Variants in DCDC1 observed in about 807,000 individuals in gnomAD.
DCDC1 encodes doublecortin domain-containing protein 1.
Under a neutral mutation model 178.3 loss-of-function variants are expected in DCDC1, and 200 were observed. The observed-to-expected ratio is 1.12, with a 90% CI of 1.00 to 1.26. DCDC1 has a LOEUF of 1.26. DCDC1 is among the 50% of genes most tolerant of loss of function. The pLI is 0.00. For synonymous variants in DCDC1, 690 were observed against 604.8 expected (o/e 1.14, Z -2.07); for missense variants, 1,983 against 1,749.2 (o/e 1.13, Z -2.38).
intron 9 of DCDC1, among the ~76,000 whole-genome samples, chr11:31,150,400 GA>G (rs1205675892): frequency 6.6e-6 from 1 of 152,024 alleles, no homozygotes; most frequent in Non-Finnish European, 1.5e-5. Flanking sequence ...TACATTAAAT[GA>G]AAAATCAAGT....
Position 31,106,873 on chromosome 11 carries a change from T to A in DCDC1, c.1675A>T (p.Asn559Tyr). ...AGTGGATTCTTAATTTCTTGGCCAT[T>A]CTCATCAAAAAGCCGCATTGAAGAA... Reference protein sequence around the residue: ...NYSSMRLFDENGQEIKNPLSL... With the variant: ...NYSSMRLFDEYGQEIKNPLSL... The change falls in exon 13 of 39, where the codon AAT becomes TAT. Residue 559 changes from asparagine (N) to tyrosine (Y), a missense_variant. Transcript: ENST00000684477. 1 of 766,104 alleles carries A rather than the reference T, an allele frequency of 1.3e-6. No individual in the cohort carries two copies. The highest frequency in any genetic ancestry group is 2.4e-6 in the Non-Finnish European group (1 of 417,798). 47.5% of individuals were successfully genotyped at this position (766,104 alleles called of 1,614,324 possible).
intron 9 of DCDC1, among the ~76,000 whole-genome samples, chr11:31,175,148 C>T (rs1967816042): frequency 6.6e-6 from 1 of 152,200 alleles, no homozygotes; most frequent in Non-Finnish European, 1.5e-5. Flanking sequence ...TCTGGCATCT[C>T]CGAGCTTCCG....
chr11:31,305,564 T>C (rs1231882010), intron 6 of DCDC1, 51 bp downstream of exon 6: 3 of 1,589,692 alleles, frequency 1.9e-6, no homozygotes, highest in East Asian at 2.2e-5. Context: ...ATTGCACCCC[T>C]TAAGCAATTC....
At chr11:31,367,774 T>A (rs1200300056) in intron 1 of DCDC1, among the ~76,000 whole-genome samples, 9 of 152,242 alleles carry the variant, frequency 5.9e-5, no homozygotes, top group African/African-American at 2.2e-4. Flanking sequence ...CGGCTTACAT[T>A]ATATTTCTAT....
At chr11:31,024,531 C>CT (rs1479652933) in intron 20 of DCDC1, among the ~76,000 whole-genome samples, 1 of 151,684 alleles carries the variant, frequency 6.6e-6, no homozygotes, top group Non-Finnish European at 1.5e-5. Flanking sequence ...CCCATTTATT[C>CT]TTTTTTCTGT....
In DCDC1 at chr11:31,085,036, A is replaced by G. The variant is rs893172391; in HGVS notation, c.2237+6357T>C. ...CCATCAAGCTATCTATAACTTTCCA[A>G]TCACCTGCCATTTTGACCTAGGCCA... On this transcript the variant is annotated intron_variant, in intron 17 of 38. Transcript: ENST00000684477. 1.4e-4 allele frequency among the ~76,000 whole-genome samples: 21 copies of G among 151,630 alleles called. 1 individual carries two copies.
intron 20 of DCDC1, among the ~76,000 whole-genome samples, chr11:30,956,874 C>T (rs1231354832): frequency 4.6e-5 from 7 of 152,160 alleles, no homozygotes; most frequent in African/African-American, 1.7e-4. Context: ...TTCCTCCATC[C>T]CATTGACTCC....
At chr11:31,120,696 G>A (rs1019297619) in intron 11 of DCDC1, among the ~76,000 whole-genome samples, 2 of 152,054 alleles carry the variant, frequency 1.3e-5, no homozygotes, top group African/African-American at 4.8e-5. Context: ...CCAGTGAAAG[G>A]ATATGCCTGT....
intron 9 of DCDC1, among the ~76,000 whole-genome samples, chr11:31,211,104 A>T (rs1972477760): frequency 6.6e-6 from 1 of 152,192 alleles, no homozygotes; most frequent in Admixed American, 6.5e-5. Flanking sequence ...GACTGCTCTC[A>T]TCTGTAGATG....
intron 37 of DCDC1, 149 bp from the exon 38 acceptor site, chr11:30,878,860 A>G: frequency 1.5e-6 from 1 of 654,606 alleles, no homozygotes; most frequent in Non-Finnish European, 2.4e-6. Context: ...ACTTCTTATC[A>G]CATGAGATAT....
intron 1 of DCDC1, among the ~76,000 whole-genome samples, chr11:31,343,091 C>T (rs1335731164): frequency 1.3e-5 from 2 of 152,040 alleles, no homozygotes; most frequent in African/African-American, 4.8e-5. Flanking sequence ...AATGGCAAGA[C>T]CCCATCTCTA....
chr11:31,040,130 A>G (rs1954335815), intron 20 of DCDC1, among the ~76,000 whole-genome samples: 1 of 151,636 alleles, frequency 6.6e-6, no homozygotes, highest in African/African-American at 2.4e-5. Context: ...GGTCAAAACT[A>G]AAAAAAAATT....
rs115084424 is a variant in DCDC1, at chr11:30,879,397, G to C, written c.5234-686C>G. Among the ~76,000 whole-genome samples the C allele has an allele frequency of 9.9e-3, 1,508 of 152,152 alleles. 27 individuals are homozygous for C. Among genetic ancestry groups the C allele is most frequent in the African/African-American group, 0.035 (1,442 of 41,494 alleles). On this transcript the variant is annotated intron_variant, in intron 37 of 38. Coordinates refer to ENST00000684477, the MANE Select transcript of DCDC1 (RefSeq NM_001387274.1). Reference sequence around the variant, plus strand: ...GAATATTTAGATTTCTAATAAATGAGTATTACTTACTTAATGGCAACAATA... The same window carrying C: ...GAATATTTAGATTTCTAATAAATGACTATTACTTACTTAATGGCAACAATA...
At chr11:31,023,889 T>C (rs1021149528) in intron 20 of DCDC1, among the ~76,000 whole-genome samples, 1 of 152,036 alleles carries the variant, frequency 6.6e-6, no homozygotes, top group Non-Finnish European at 1.5e-5. Flanking sequence ...GAGCTAAACT[T>C]AAAACATTCC....
At chr11:31,225,165 G>A (rs1974759949) in intron 9 of DCDC1, among the ~76,000 whole-genome samples, 1 of 152,044 alleles carries the variant, frequency 6.6e-6, no homozygotes, top group Non-Finnish European at 1.5e-5. Context: ...ATACATCATG[G>A]AATACTACTC....
intron 9 of DCDC1, among the ~76,000 whole-genome samples, chr11:31,174,865 T>C (rs1967780074): frequency 6.6e-6 from 1 of 152,174 alleles, no homozygotes; most frequent in Non-Finnish European, 1.5e-5. Flanking sequence ...TAAGCTGTTC[T>C]GTTGGCCAAT....
chr11:31,244,941 C>CTGG (rs1977647056), intron 8 of DCDC1, among the ~76,000 whole-genome samples: 2 of 151,710 alleles, frequency 1.3e-5, no homozygotes, highest in Admixed American at 1.3e-4. Flanking sequence ...CTGGACAGAG[C>CTGG]TGGTAGTGAG....
intron 20 of DCDC1, among the ~76,000 whole-genome samples, chr11:30,960,587 G>A (rs1248035175): frequency 1.3e-5 from 2 of 152,134 alleles, no homozygotes; most frequent in Admixed American, 1.3e-4. Context: ...CTAGCACTAG[G>A]TGGAGACAGT....
chr11:30,974,885 C>T (rs1950016801), intron 20 of DCDC1, among the ~76,000 whole-genome samples: 1 of 152,056 alleles, frequency 6.6e-6, no homozygotes, highest in Non-Finnish European at 1.5e-5. Flanking sequence ...GCCAGTGTTA[C>T]CTTAATACCA....
Sources: allele counts gnomAD v4.1 joint callset (sites outside exome capture counted in the v4.1 genomes callset), GRCh38; gene constraint gnomAD v4.1.1; transcripts MANE v1.5; gene names NCBI Gene and HGNC (gene_info 2026-07-23, HGNC 2026-07-21).